The following FSD1L variants were observed in gnomAD, a reference collection of about 807,000 sequenced individuals.
The protein encoded by FSD1L is FSD1-like protein.
In FSD1L, 45 loss-of-function variants were observed where a neutral mutation model predicts 71.6. The ratio of observed to expected loss-of-function variants is 0.63; its 90% CI spans 0.49 to 0.81. The LOEUF is 0.81. Ranked by LOEUF, FSD1L falls within the 30% of genes least tolerant of loss-of-function variation. FSD1L has a pLI of 0.00. For synonymous variants in FSD1L, 197 were observed against 207.2 expected (o/e 0.95, Z 0.42); for missense variants, 561 against 618.1 (o/e 0.91, Z 0.98).
intron 10 of FSD1L, among the ~76,000 whole-genome samples, chr9:105,527,768 C>T (rs62575104): frequency 0.26 from 39,702 of 151,136 alleles, 5,461 homozygotes; most frequent in Non-Finnish European, 0.31. Flanking sequence ...CACTCCTACT[C>T]AACATAGTAT....
chr9:105,470,063 C>T (rs369892438), intron 4 of FSD1L, among the ~76,000 whole-genome samples: 112 of 152,176 alleles, frequency 7.4e-4, no homozygotes, highest in African/African-American at 2.4e-3. Flanking sequence ...AGAGATCATT[C>T]GATCATATAT....
Position 105,474,251 on chromosome 9 carries a change from T to G in FSD1L, c.441+2246T>G, listed in dbSNP as rs1017412675. On this transcript the variant is annotated intron_variant, in intron 5 of 13. Coordinates refer to ENST00000481272, the MANE Select transcript of FSD1L (RefSeq NM_001145313.3). Reference sequence around the variant, plus strand: ...TAGGCAATTGCAATACAGTGGTATTTGTGTATCTCAACATAGAAAGGGTAT... The same window carrying G: ...TAGGCAATTGCAATACAGTGGTATTGGTGTATCTCAACATAGAAAGGGTAT... Among the ~76,000 whole-genome samples, 15 of 152,314 alleles carry G rather than the reference T, an allele frequency of 9.8e-5. 1 individual carries two copies. Among genetic ancestry groups the G allele is most frequent in the African/African-American group, 3.6e-4 (15 of 41,566 alleles).
At chr9:105,501,757 GTTC>G (rs1024822786) in intron 7 of FSD1L, among the ~76,000 whole-genome samples, 1 of 152,022 alleles carries the variant, frequency 6.6e-6, no homozygotes, top group Non-Finnish European at 1.5e-5. Context: ...TTACATCTGT[GTTC>G]TTCTTATTGG....
chr9:105,471,882 G>GTTTTT, intron 4 of FSD1L, 22 bp from the exon 5 acceptor site: 13 of 743,530 alleles, frequency 1.7e-5, no homozygotes, highest in South Asian at 9.2e-5. Flanking sequence ...TAATGACTTA[G>GTTTTT]TTTTTTTTTT....
chr9:105,451,408 TA>T (rs1013503236), intron 1 of FSD1L, among the ~76,000 whole-genome samples: 4 of 152,234 alleles, frequency 2.6e-5, no homozygotes, highest in African/African-American at 9.6e-5. Context: ...TTAACTTAAC[TA>T]GGCAGTCTTA....
intron 1 of FSD1L, among the ~76,000 whole-genome samples, chr9:105,460,239 G>C (rs1271762436): frequency 6.6e-6 from 1 of 152,106 alleles, no homozygotes; most frequent in Non-Finnish European, 1.5e-5. Context: ...CAGTTGAAAA[G>C]GGTCTTTCAT....
At chr9:105,445,910 A>C (rs2131540731), upstream of FSD1L, among the ~76,000 whole-genome samples, 1 of 152,316 alleles carries the variant, frequency 6.6e-6, no homozygotes, top group East Asian at 1.9e-4. Context: ...CAGCTGGCAC[A>C]CATAGGCCCA....
chr9:105,465,160 C>T (rs1446674074), intron 3 of FSD1L, among the ~76,000 whole-genome samples: 3 of 152,056 alleles, frequency 2.0e-5, no homozygotes, highest in Non-Finnish European at 4.4e-5. Context: ...AGAGAGAACT[C>T]AAGATAATCT....
At chr9:105,511,965 CTG>C (rs1045081506) in intron 9 of FSD1L, among the ~76,000 whole-genome samples, 2 of 151,992 alleles carry the variant, frequency 1.3e-5, no homozygotes, top group African/African-American at 4.8e-5. Context: ...TAGTTAGTAA[CTG>C]TGTAATAGCT....
At chr9:105,447,324 CAAAAAAAAAAAAA>C (rs35514046), upstream of FSD1L, among the ~76,000 whole-genome samples, 1 of 61,556 alleles carries the variant, frequency 1.6e-5, no homozygotes, top group Non-Finnish European at 2.7e-5. Context: ...ACTCCATCTC[CAAAAAAAAAAAAA>C]AAAAAAAAAA....
rs1337315214 is a variant in FSD1L, at chr9:105,480,721, A to C, written c.464+1345A>C. 2.0e-5 allele frequency among the ~76,000 whole-genome samples: 3 copies of C among 152,230 alleles called. No homozygotes were observed. The East Asian group carries it at 5.8e-4, about 29-fold the overall frequency. ...GAAGGTGAAAAATATTAGCTGTGTG[A>C]GGAATGGATGCTAGATAGGTCAGTT... is the stretch of plus-strand genomic sequence containing the variant. On this transcript the variant is annotated intron_variant, in intron 6 of 13. Transcript: ENST00000481272.
At chr9:105,518,876 G>A (rs1175625451) in intron 10 of FSD1L, among the ~76,000 whole-genome samples, 1 of 152,068 alleles carries the variant, frequency 6.6e-6, no homozygotes, top group African/African-American at 2.4e-5. Flanking sequence ...TCCAGGAGCT[G>A]GTTTTTTGAA....
chr9:105,544,834 G>T (rs1006540957), intron 13 of FSD1L, among the ~76,000 whole-genome samples: 3 of 152,150 alleles, frequency 2.0e-5, no homozygotes, highest in African/African-American at 7.2e-5. Flanking sequence ...CTGTAGCCTT[G>T]TAGTATAGTT....
intron 10 of FSD1L, among the ~76,000 whole-genome samples, chr9:105,533,389 A>G (rs943436952): frequency 1.5e-4 from 18 of 117,550 alleles, no homozygotes; most frequent in African/African-American, 5.6e-4. Flanking sequence ...TATCCTGTGC[A>G]AGGATTTGGA....
At chr9:105,490,251 G>T (rs529272915) in intron 7 of FSD1L, among the ~76,000 whole-genome samples, 4 of 152,112 alleles carry the variant, frequency 2.6e-5, no homozygotes, top group Non-Finnish European at 5.9e-5. Flanking sequence ...TTCTCTGATG[G>T]CCAGTGATGG....
At chr9:105,446,782 C>T (rs556910921), upstream of FSD1L, among the ~76,000 whole-genome samples, 5 of 151,194 alleles carry the variant, frequency 3.3e-5, 1 homozygote, top group African/African-American at 9.7e-5. Context: ...GCCTTGCCCA[C>T]TACTGAATTT....
chr9:105,530,946 T>C (rs972718053), intron 10 of FSD1L: 7 of 172,818 alleles, frequency 4.1e-5, no homozygotes, highest in Non-Finnish European at 8.5e-5. Flanking sequence ...ATGTGGTTCC[T>C]AGCAACAGTT....
chr9:105,448,260 G>T (rs1829748376), intron 1 of FSD1L, 25 bp downstream of exon 1: 9 of 1,529,298 alleles, frequency 5.9e-6, no homozygotes, highest in Middle Eastern at 1.7e-4. Flanking sequence ...GGAGCCCGGG[G>T]CTACCGAGAC....
intron 7 of FSD1L, among the ~76,000 whole-genome samples, chr9:105,491,105 C>T (rs994048069): frequency 2.6e-5 from 4 of 152,238 alleles, no homozygotes; most frequent in Non-Finnish European, 5.9e-5. Context: ...GCAGTATGGC[C>T]ATTTTCATGA....
Sources: gnomAD v4.1 joint callset for allele counts (sites outside exome capture counted in the v4.1 genomes callset) on GRCh38, gnomAD v4.1.1 for gene constraint, MANE v1.5 for transcripts, NCBI Gene and HGNC (gene_info 2026-07-23, HGNC 2026-07-21) for gene names.